The following ANK3 variants were observed in gnomAD, a reference collection of about 807,000 sequenced individuals.
ANK3 encodes the protein ankyrin-3.
In ANK3, 57 loss-of-function variants were observed where a neutral mutation model predicts 370.9. That is an observed-to-expected ratio of 0.15 (90% CI 0.12 to 0.19). ANK3 has a LOEUF of 0.19. ANK3 is among the 10% of genes least tolerant of loss of function. ANK3 has a pLI of 1.00. For synonymous variants in ANK3, 1,929 were observed against 1,946.3 expected (o/e 0.99, Z 0.23); for missense variants, 4,439 against 5,302.1 (o/e 0.84, Z 5.06).
At chr10:60,337,517 C>A (rs1485703184) in intron 1 of ANK3, among the ~76,000 whole-genome samples, 2 of 152,168 alleles carry the variant, frequency 1.3e-5, no homozygotes, top group Non-Finnish European at 2.9e-5. Flanking sequence ...CGACTGAATA[C>A]TTTCCCTATT....
chr10:60,196,511 G>T lies in ANK3; in HGVS notation c.1788+16C>A. The T allele has an allele frequency of 1.3e-6, 2 of 1,564,382 alleles. No individual in the cohort carries two copies. Among genetic ancestry groups the T allele is most frequent in the South Asian group, 1.1e-5 (1 of 87,514 alleles). On this transcript the variant is annotated intron_variant, in intron 15 of 43. Coordinates refer to ENST00000280772, the MANE Select transcript of ANK3 (RefSeq NM_020987.5). ...CGTGGAAGTGGCCTGCTTCAGGGTG[G>T]CTGGTGACCTCTTACCTTCCCAGCA...
At chr10:60,054,009 C>T (rs2078628057) in intron 42 of ANK3, among the ~76,000 whole-genome samples, 1 of 152,132 alleles carries the variant, frequency 6.6e-6, no homozygotes. Context: ...AAATTATTTT[C>T]CATTACTGAC....
Position 60,469,094 on chromosome 10 carries a change from T to TATAC in ANK3, c.96+146091_96+146092insGTAT, listed in dbSNP as rs1419316441. 1.2e-3 allele frequency among the ~76,000 whole-genome samples: 44 copies of TATAC among 37,980 alleles called. 2 individuals are homozygous for TATAC. The highest frequency in any genetic ancestry group is 1.8e-3 in the Non-Finnish European group (35 of 19,386). The allele number at this position is 37,980 out of a possible 152,430, so 24.9% of individuals were successfully genotyped here. A position where few individuals can be genotyped will look rare whatever the true frequency, so the allele number is the denominator to read the frequency against. ...ATATATATATATATATATATATATA[T>TATAC]ACCACTTTTAGTATATATATATATA... On this transcript the variant is annotated intron_variant, in intron 2 of 43. Coordinates refer to the ANK3 transcript ENST00000373827.
At chr10:60,674,363 G>A (rs1038050297) in intron 1 of ANK3, among the ~76,000 whole-genome samples, 3 of 152,114 alleles carry the variant, frequency 2.0e-5, no homozygotes, top group African/African-American at 7.2e-5. Context: ...TTCTGGTGAG[G>A]CCTCAGGAAG....
chr10:60,418,145 T>C (rs1253417510), intron 2 of ANK3, among the ~76,000 whole-genome samples: 3 of 152,166 alleles, frequency 2.0e-5, no homozygotes, highest in Non-Finnish European at 4.4e-5. Flanking sequence ...GCAAGCTGTC[T>C]TACCTCTAAT....
intron 21 of ANK3, 123 bp from the exon 22 acceptor site, chr10:60,167,019 A>T: frequency 1.2e-6 from 1 of 801,734 alleles, no homozygotes; most frequent in South Asian, 1.7e-5. Context: ...TGAATCTCCC[A>T]CATATAAAAT....
intron 2 of ANK3, among the ~76,000 whole-genome samples, chr10:60,610,323 C>CCTGT (rs994531285): frequency 8.6e-5 from 13 of 151,948 alleles, no homozygotes; most frequent in African/African-American, 3.1e-4. Context: ...ACCAGCCTGG[C>CCTGT]CAACATGGTG....
intron 2 of ANK3, among the ~76,000 whole-genome samples, chr10:60,409,690 C>T (rs1369313873): frequency 2.6e-5 from 4 of 152,152 alleles, no homozygotes; most frequent in Non-Finnish European, 2.9e-5. Flanking sequence ...GCCTAGGACA[C>T]CTCATCCATG....
intron 1 of ANK3, among the ~76,000 whole-genome samples, chr10:60,716,241 C>A (rs1427524400): frequency 6.6e-6 from 1 of 152,046 alleles, no homozygotes; most frequent in African/African-American, 2.4e-5. Flanking sequence ...AACTTTCTTG[C>A]CCTCTCAAGA....
intron 28 of ANK3, among the ~76,000 whole-genome samples, chr10:60,098,066 AG>A (rs1486026531): frequency 1.1e-4 from 17 of 152,304 alleles, no homozygotes; most frequent in African/African-American, 4.1e-4. Flanking sequence ...CCTGGACCTC[AG>A]GCAAGTTCCT....
chr10:60,425,947 C>T (rs1049424260), intron 2 of ANK3, among the ~76,000 whole-genome samples: 1 of 152,048 alleles, frequency 6.6e-6, no homozygotes, highest in African/African-American at 2.4e-5. Flanking sequence ...GTTTTCTCAT[C>T]TGTTAAAATG....
chr10:60,096,115 G>A (rs2090080545), intron 28 of ANK3, among the ~76,000 whole-genome samples: 1 of 152,156 alleles, frequency 6.6e-6, no homozygotes, highest in Non-Finnish European at 1.5e-5. Context: ...GGAGATTGCA[G>A]TGAGCCAAGA....
chr10:60,625,240 A>G (rs549954543), intron 1 of ANK3, among the ~76,000 whole-genome samples: 11 of 152,206 alleles, frequency 7.2e-5, no homozygotes, highest in Admixed American at 4.6e-4. Flanking sequence ...CGTGCAGAGC[A>G]GTGGGGACTT....
intron 2 of ANK3, among the ~76,000 whole-genome samples, chr10:60,416,001 A>G (rs1272392782): frequency 7.1e-6 from 1 of 141,010 alleles, no homozygotes; most frequent in Non-Finnish European, 1.5e-5. Context: ...GAAGGTGATT[A>G]AGTCATGAGG....
intron 16 of ANK3, among the ~76,000 whole-genome samples, chr10:60,195,706 A>G (rs567404701): frequency 1.3e-5 from 2 of 152,320 alleles, no homozygotes; most frequent in East Asian, 3.9e-4. Flanking sequence ...AACAATAAAG[A>G]TCCTCCTTAG....
At chr10:60,192,311 A>ATG (rs772932905) in intron 16 of ANK3, among the ~76,000 whole-genome samples, 1 of 151,346 alleles carries the variant, frequency 6.6e-6, no homozygotes, top group Admixed American at 6.6e-5. Context: ...CCATGTGTGT[A>ATG]TGTGTGTATA....
chr10:60,225,170 C>G (rs1437478446), intron 8 of ANK3, among the ~76,000 whole-genome samples: 2 of 152,104 alleles, frequency 1.3e-5, no homozygotes, highest in Non-Finnish European at 2.9e-5. Flanking sequence ...ACGTCAGCTT[C>G]CAAAAGTGCT....
At chr10:60,052,488 T>G (rs1334548937) in intron 42 of ANK3, among the ~76,000 whole-genome samples, 2 of 152,218 alleles carry the variant, frequency 1.3e-5, no homozygotes, top group Admixed American at 6.5e-5. Flanking sequence ...TGAAATCTTT[T>G]TTTAAAGAAC....
chr10:60,141,045 GGTCCCT>G (rs778455038), intron 23 of ANK3: 24 of 984,850 alleles, frequency 2.4e-5, no homozygotes, highest in Non-Finnish European at 2.9e-5. Flanking sequence ...AGTTATTTAT[GGTCCCT>G]GTCAGGTGGA....
Sources: gnomAD v4.1 joint callset for allele counts (sites outside exome capture counted in the v4.1 genomes callset) on GRCh38, gnomAD v4.1.1 for gene constraint, MANE v1.5 for transcripts, NCBI Gene and HGNC (gene_info 2026-07-23, HGNC 2026-07-21) for gene names.